The following KBTBD8 variants were observed in gnomAD, a reference collection of about 807,000 sequenced individuals.
KBTBD8 encodes kelch repeat and BTB domain containing 8.
A neutral mutation model predicts 53.5 loss-of-function variants in KBTBD8; 31 were observed. The ratio of observed to expected loss-of-function variants is 0.58; its 90% CI spans 0.44 to 0.78. KBTBD8 has a LOEUF of 0.78. Among genes scored for constraint, KBTBD8 ranks in the 30% least tolerant of loss-of-function variants. The pLI is 0.00. For missense variants in KBTBD8, 642 were observed against 735.8 expected (o/e 0.87, Z 1.48); for synonymous variants, 250 against 247.3 (o/e 1.01, Z -0.10).
intron 2 of KBTBD8, among the ~76,000 whole-genome samples, chr3:67,000,233 A>G (rs758241459): frequency 6.6e-6 from 1 of 152,158 alleles, no homozygotes; most frequent in Non-Finnish European, 1.5e-5. Context: ...AACCGTTTAG[A>G]CTTGCCTAGG....
Position 67,003,245 on chromosome 3 carries a change from T to C in KBTBD8, c.278T>C (p.Ile93Thr), listed in dbSNP as rs768137338. 1.9e-6 allele frequency: 3 copies of C among 1,614,108 alleles called. No individual in the cohort carries two copies. The Admixed American group carries it at 5.0e-5, about 27-fold the overall frequency. Reference sequence around the variant, plus strand: ...GAAAGTACTCAAAAAGAAGTTCGAATAGTTGGTGTTGAAGCTGAATCGATG... The same window carrying C: ...GAAAGTACTCAAAAAGAAGTTCGAACAGTTGGTGTTGAAGCTGAATCGATG... ...LTESTQKEVR[I>T]VGVEAESMDL... The change falls in exon 3 of 4, where the codon ATA becomes ACA. Residue 93 changes from isoleucine to threonine, a missense_variant. By Grantham distance (89) the Ile-to-Thr change is moderately conservative (BLOSUM62 -1). Coordinates refer to ENST00000417314, the MANE Select transcript of KBTBD8 (RefSeq NM_032505.3).
chr3:66,998,816 A>G (rs1701987848), intron 1 of KBTBD8, 165 bp from the exon 2 acceptor site: 1 of 635,298 alleles, frequency 1.6e-6, no homozygotes, highest in East Asian at 2.7e-5. Flanking sequence ...TCTGTCTCCC[A>G]GATCCTTAAC....
At chr3:67,001,536 T>C (rs1213826257) in intron 2 of KBTBD8, among the ~76,000 whole-genome samples, 1 of 152,184 alleles carries the variant, frequency 6.6e-6, no homozygotes, top group Non-Finnish European at 1.5e-5. Context: ...CAGCAGTAGT[T>C]CCCATGATAA....
In KBTBD8 at chr3:67,003,447, T is replaced by C. The variant is rs781139222; in HGVS notation, c.480T>C (p.Asp160=). The change falls in exon 3 of 4, where the codon GAT becomes GAC. Residue 160 remains aspartate (D), a synonymous_variant. Coordinates refer to ENST00000417314, the MANE Select transcript of KBTBD8 (RefSeq NM_032505.3). ...CTATTGGGGTCTTTATCTTTGCTGA[T>C]CATTATGGTCATCAGGAACTCGGAG... The part of the protein sequence containing the change: ...QNSIGVFIFA[D]HYGHQELGDR... 6.2e-7 allele frequency: 1 copy of C among 1,614,180 alleles called. No homozygotes were observed. The highest frequency in any genetic ancestry group is 1.1e-5 in the South Asian group (1 of 91,080).
intron 3 of KBTBD8, among the ~76,000 whole-genome samples, chr3:67,005,371 A>G (rs1032911504): frequency 2.6e-5 from 4 of 152,202 alleles, no homozygotes; most frequent in Non-Finnish European, 5.9e-5. Flanking sequence ...TTTTTACTGT[A>G]CTTGTTCCAT....
Position 66,998,362 on chromosome 3 carries a change from G to GCATATTT in KBTBD8, c.8_9insATATTTC (p.Ser4TyrfsTer8). ...GTCGGGGCCCCATCGAGAAATGGCC[G>GCATATTT]CGTCGGCAGGTGGGTCGTGTGGTGG... On this transcript the variant is annotated frameshift_variant, in exon 1 of 4. Coordinates refer to ENST00000417314, the MANE Select transcript of KBTBD8 (RefSeq NM_032505.3). LOFTEE classifies it high-confidence loss of function. 1 of 1,292,644 alleles carries GCATATTT rather than the reference G, an allele frequency of 7.7e-7. No individual in the cohort carries two copies. Among genetic ancestry groups the GCATATTT allele is most frequent in the Non-Finnish European group, 9.9e-7 (1 of 1,011,378 alleles). The allele number at this position is 1,292,644 out of a possible 1,614,324, so 80.1% of individuals were successfully genotyped here. A position where few individuals can be genotyped will look rare whatever the true frequency, so the allele number is the denominator to read the frequency against.
chr3:66,998,932 C>T (rs1163917994), intron 1 of KBTBD8, 49 bp from the exon 2 acceptor site: 2 of 1,418,096 alleles, frequency 1.4e-6, no homozygotes, highest in East Asian at 2.5e-5. Context: ...CCCGCGATGC[C>T]GTAACTGGCT....
Position 67,008,721 on chromosome 3 carries a change from G to C in KBTBD8, c.*336G>C. Reference sequence around the variant, plus strand: ...ATAAGAGCATTTAGGGTATTATTGGGTAAAGACGTCTAAACTTGTTTGATG... The same window carrying C: ...ATAAGAGCATTTAGGGTATTATTGGCTAAAGACGTCTAAACTTGTTTGATG... On this transcript the variant is annotated 3_prime_UTR_variant, in exon 4 of 4. Coordinates refer to ENST00000417314, the MANE Select transcript of KBTBD8 (RefSeq NM_032505.3). 4.6e-6 allele frequency: 1 copy of C among 216,344 alleles called. No individual in the cohort carries two copies. The highest frequency in any genetic ancestry group is 1.1e-4 in the South Asian group (1 of 9,022). 13.4% of individuals were successfully genotyped at this position (216,344 alleles called of 1,614,324 possible). A position where few individuals can be genotyped will look rare whatever the true frequency, so the allele number is the denominator to read the frequency against.
intron 3 of KBTBD8, among the ~76,000 whole-genome samples, chr3:67,004,946 T>C (rs1311831101): frequency 6.6e-6 from 1 of 151,934 alleles, no homozygotes; most frequent in African/African-American, 2.4e-5. Flanking sequence ...GAGATGTCCC[T>C]TTTTTTTGGT....
In KBTBD8 at chr3:67,003,502, T is replaced by C. The variant is rs75804175; in HGVS notation, c.535T>C (p.Phe179Leu). ...DRSKEYIRKK[F>L]LCVTKEQEFL... ...ATCAAAAGAATACATTCGTAAAAAGTTTCTGTGTGTCACCAAAGAACAAGA... is the reference window on the plus strand; with the variant it reads ...ATCAAAAGAATACATTCGTAAAAAGCTTCTGTGTGTCACCAAAGAACAAGA... The change falls in exon 3 of 4, where the codon TTT becomes CTT. Residue 179 changes from phenylalanine to leucine, a missense_variant. Physicochemically the swap from Phe to Leu is conservative, Grantham distance 22. Coordinates refer to ENST00000417314, the MANE Select transcript of KBTBD8 (RefSeq NM_032505.3). 0.055 allele frequency: 89,144 copies of C among 1,613,970 alleles called. 2,962 individuals carry two copies. Among genetic ancestry groups the C allele is most frequent in the Middle Eastern group, 0.086 (519 of 6,060 alleles).
At chr3:66,998,537 G>GGGCGGTC in intron 1 of KBTBD8, among the ~76,000 whole-genome samples, 166 bp downstream of exon 1, 1 of 152,278 alleles carries the variant, frequency 6.6e-6, no homozygotes, top group East Asian at 1.9e-4. Flanking sequence ...GGAGGGCGGT[G>GGGCGGTC]GGCGGTCCGG....
Position 67,008,542 on chromosome 3 carries a change from C to T in KBTBD8, c.*157C>T, listed in dbSNP as rs1702090104. On this transcript the variant is annotated 3_prime_UTR_variant, in exon 4 of 4. Transcript: ENST00000417314. ...TGCAGGGTAGGGAGGGATTTTCCTT[C>T]ATCCTTGTGACATTTCATTTCAGTA... 1.9e-6 allele frequency: 1 copy of T among 536,546 alleles called. No homozygotes were observed. Among genetic ancestry groups the T allele is most frequent in the Admixed American group, 3.3e-5 (1 of 30,632 alleles). 33.2% of individuals were successfully genotyped at this position (536,546 alleles called of 1,614,324 possible). A position where few individuals can be genotyped will look rare whatever the true frequency, so the allele number is the denominator to read the frequency against.
At chr3:66,998,762 A>T (rs1701987083) in intron 1 of KBTBD8, among the ~76,000 whole-genome samples, 1 of 152,078 alleles carries the variant, frequency 6.6e-6, no homozygotes, top group African/African-American at 2.4e-5. Flanking sequence ...GCTCCGCAGG[A>T]GCAGGCTGGC....
chr3:67,009,472 A>C lies in KBTBD8; in HGVS notation c.*1087A>C, dbSNP rs776937422. 6.6e-6 allele frequency: 1 copy of C among 152,628 alleles called. No homozygotes were observed. Among genetic ancestry groups the C allele is most frequent in the Non-Finnish European group, 1.5e-5 (1 of 68,024 alleles). 9.5% of individuals were successfully genotyped at this position (152,628 alleles called of 1,614,324 possible). A position where few individuals can be genotyped will look rare whatever the true frequency, so the allele number is the denominator to read the frequency against. On this transcript the variant is annotated 3_prime_UTR_variant, in exon 4 of 4. Transcript: ENST00000417314. ...TTTAAAATTCTGCTTTCCAGAAACA[A>C]AATTCCTGCAGTGGTCTAATTTAAT...
chr3:66,998,387 G>A lies in KBTBD8; in HGVS notation c.16+16G>A. On this transcript the variant is annotated intron_variant, in intron 1 of 3. Coordinates refer to ENST00000417314, the MANE Select transcript of KBTBD8 (RefSeq NM_032505.3). The stretch of plus-strand genomic sequence containing the variant: ...GCGTCGGCAGGTGGGTCGTGTGGTG[G>A]CCAGGGCGGCGTGGAGGGAGGTGAG... 2.3e-6 allele frequency: 3 copies of A among 1,292,412 alleles called. No homozygotes were observed. The highest frequency in any genetic ancestry group is 3.0e-6 in the Non-Finnish European group (3 of 1,012,130). The allele number at this position is 1,292,412 out of a possible 1,614,324, so 80.1% of individuals were successfully genotyped here.
At position 67,003,925 on chromosome 3, in the gene KBTBD8, C is replaced by T; in HGVS notation, c.958C>T (p.Pro320Ser). ...VTGRVFKLCKPPNDLREVGIL... is the reference protein window; with the variant it reads ...VTGRVFKLCKSPNDLREVGIL... ...AGGAAGGGTGTTTAAACTATGCAAA[C>T]CACCAAATGACCTGAGAGAAGTTGG... The change falls in exon 3 of 4, where the codon CCA (proline) becomes TCA (serine). Residue 320 changes from proline (P) to serine (S), a missense_variant. Transcript: ENST00000417314. 6.2e-7 allele frequency: 1 copy of T among 1,614,088 alleles called. No individual in the cohort carries two copies. Among genetic ancestry groups the T allele is most frequent in the Non-Finnish European group, 8.5e-7 (1 of 1,180,020 alleles).
At chr3:67,005,091 A>G (rs1702054045) in intron 3 of KBTBD8, among the ~76,000 whole-genome samples, 1 of 152,200 alleles carries the variant, frequency 6.6e-6, no homozygotes, top group Non-Finnish European at 1.5e-5. Flanking sequence ...CAGAGTAAAT[A>G]AGACATTTGA....
chr3:67,002,545 C>G (rs1702026959), intron 2 of KBTBD8, among the ~76,000 whole-genome samples: 1 of 106,438 alleles, frequency 9.4e-6, no homozygotes, highest in South Asian at 3.3e-4. Context: ...GAGATGGAGT[C>G]TCACTCTGTC....
intron 3 of KBTBD8, among the ~76,000 whole-genome samples, chr3:67,006,615 C>T (rs1305538024): frequency 6.6e-6 from 1 of 152,158 alleles, no homozygotes; most frequent in African/African-American, 2.4e-5. Flanking sequence ...GGGAGCTTTA[C>T]AAGCTATTTT....
Sources: allele counts gnomAD v4.1 joint callset (sites outside exome capture counted in the v4.1 genomes callset), GRCh38; gene constraint gnomAD v4.1.1; transcripts MANE v1.5; gene names NCBI Gene and HGNC (gene_info 2026-07-23, HGNC 2026-07-21).